Variants in TRPC6 observed in about 807,000 individuals in gnomAD.
TRPC6 encodes the protein transient receptor potential cation channel subfamily C member 6.
TRPC6 carries 55 observed loss-of-function variants against 90.7 expected under a neutral mutation model. That is an observed-to-expected ratio of 0.61 (90% CI 0.49 to 0.76). The LOEUF (loss-of-function observed/expected upper bound fraction) is 0.76. TRPC6 is among the 30% of genes least tolerant of loss of function. The probability of loss-of-function intolerance (pLI) is 0.00; values close to 1 mark genes in which losing one functional copy is unlikely to be tolerated. For synonymous variants in TRPC6, 393 were observed against 393.0 expected (o/e 1.00, Z 0.00); for missense variants, 989 against 1,122.7 (o/e 0.88, Z 1.70).
At chr11:101,513,855 G>A (rs1860453542) in intron 1 of TRPC6, among the ~76,000 whole-genome samples, 1 of 152,154 alleles carries the variant, frequency 6.6e-6, no homozygotes, top group Non-Finnish European at 1.5e-5. Context: ...AATGTGAAGA[G>A]CACAAGCTGA....
At chr11:101,515,256 C>T (rs1411243263) in intron 1 of TRPC6, among the ~76,000 whole-genome samples, 1 of 152,196 alleles carries the variant, frequency 6.6e-6, no homozygotes, top group Non-Finnish European at 1.5e-5. Flanking sequence ...TACATCTGCA[C>T]CATGTGTCCA....
chr11:101,472,173 T>G lies in TRPC6; in HGVS notation c.2169A>C (p.Leu723Phe). 6.2e-7 allele frequency: 1 copy of G among 1,611,990 alleles called. No individual in the cohort carries two copies. Among genetic ancestry groups the G allele is most frequent in the Non-Finnish European group, 8.5e-7 (1 of 1,179,350 alleles). The change falls in exon 8 of 13, where the codon TTA becomes TTC. Residue 723 changes from leucine (L) to phenylalanine (F), a missense_variant. Physicochemically the swap from Leu to Phe is conservative, Grantham distance 22 (BLOSUM62 0). Around this residue, in one of 4 missense-constraint regions of TRPC6, gnomAD observed 118 missense variants for 197.6 expected, o/e 0.60. Coordinates refer to ENST00000344327, the MANE Select transcript of TRPC6 (RefSeq NM_004621.6). ...VTMVIVLLNM[L>F]IAMINSSFQE... Reference sequence around the variant, plus strand: ...GGAATGAACTGTTGATCATGGCAATTAACATATTTAGCAAAACAATGACCA... The same window carrying G: ...GGAATGAACTGTTGATCATGGCAATGAACATATTTAGCAAAACAATGACCA...
At chr11:101,533,536 C>A (rs977541840) in intron 1 of TRPC6, among the ~76,000 whole-genome samples, 1 of 152,216 alleles carries the variant, frequency 6.6e-6, no homozygotes, top group East Asian at 1.9e-4. Flanking sequence ...CAATTCAACA[C>A]GAGCTTTGGG....
intron 1 of TRPC6, among the ~76,000 whole-genome samples, chr11:101,581,810 T>A (rs560626186): frequency 6.6e-6 from 1 of 152,346 alleles, no homozygotes; most frequent in African/African-American, 2.4e-5. Flanking sequence ...CTGAGGGATG[T>A]CAGAAATGGA....
intron 1 of TRPC6, among the ~76,000 whole-genome samples, chr11:101,564,379 G>A (rs1335861583): frequency 6.6e-6 from 1 of 152,054 alleles, no homozygotes; most frequent in Non-Finnish European, 1.5e-5. Context: ...TGGAATTTTT[G>A]AGCTTTACTA....
chr11:101,531,106 A>G (rs1184128604), intron 1 of TRPC6, among the ~76,000 whole-genome samples: 1 of 152,186 alleles, frequency 6.6e-6, no homozygotes, highest in East Asian at 1.9e-4. Context: ...ATACACACAC[A>G]CCGGTAACAA....
chr11:101,557,620 A>G (rs531772942), intron 1 of TRPC6, among the ~76,000 whole-genome samples: 2 of 141,772 alleles, frequency 1.4e-5, no homozygotes, highest in South Asian at 4.3e-4. Flanking sequence ...TACTAATTCC[A>G]CACACACACA....
intron 1 of TRPC6, among the ~76,000 whole-genome samples, chr11:101,510,407 A>T (rs1012918828): frequency 1.3e-5 from 2 of 152,200 alleles, no homozygotes; most frequent in Non-Finnish European, 2.9e-5. Flanking sequence ...CCATAGCTCC[A>T]TAGCACTACT....
intron 1 of TRPC6, among the ~76,000 whole-genome samples, chr11:101,559,485 A>C (rs142427774): frequency 2.0e-5 from 3 of 152,184 alleles, no homozygotes; most frequent in Non-Finnish European, 2.9e-5. Context: ...AATGATCATG[A>C]CATATCATGA....
In TRPC6 at chr11:101,489,064, G is replaced by C; in HGVS notation, c.1166C>G (p.Ser389Cys). 6.2e-7 allele frequency: 1 copy of C among 1,614,144 alleles called. No individual in the cohort carries two copies. Among genetic ancestry groups the C allele is most frequent in the Non-Finnish European group, 8.5e-7 (1 of 1,179,998 alleles). Reference sequence around the variant, plus strand: ...ACCAGAAAGATTCTCATACCAAATGGAGAGAAGTTGCTGTTGGCAGTTTGG... The same window carrying C: ...ACCAGAAAGATTCTCATACCAAATGCAGAGAAGTTGCTGTTGGCAGTTTGG... ...AHPNCQQQLL[S>C]IWYENLSGLR... Residue 389 changes from serine to cysteine, a missense_variant, in exon 4 of 13, where the codon TCC (serine) becomes TGC (cysteine). By Grantham distance (112) the Ser-to-Cys change is moderately radical. Transcript: ENST00000344327.
intron 1 of TRPC6, 30 bp downstream of exon 1, chr11:101,583,304 C>G (rs201459862): frequency 7.4e-4 from 1,155 of 1,555,384 alleles, no homozygotes; most frequent in Non-Finnish European, 8.8e-4. Context: ...GCAGCCCGCG[C>G]CCGATCCGCC....
chr11:101,583,611 G>A lies in TRPC6; in HGVS notation c.-108C>T. The A allele has an allele frequency of 7.9e-7, 1 of 1,264,546 alleles. No homozygotes were observed. Among genetic ancestry groups the A allele is most frequent in the Non-Finnish European group, 1.0e-6 (1 of 967,906 alleles). 78.3% of individuals were successfully genotyped at this position (1,264,546 alleles called of 1,614,324 possible). ...CGCGTCAGCGGCCGAACTGGACCTG[G>A]GCAGACCGGTGCCCAGGGGACGACG... On this transcript the variant is annotated 5_prime_UTR_variant, in exon 1 of 13. Coordinates refer to ENST00000344327, the MANE Select transcript of TRPC6 (RefSeq NM_004621.6).
intron 1 of TRPC6, among the ~76,000 whole-genome samples, chr11:101,549,628 T>C (rs1331201668): frequency 2.0e-5 from 3 of 150,060 alleles, no homozygotes; most frequent in Non-Finnish European, 4.5e-5. Flanking sequence ...ATGTTTAAAA[T>C]TGAGAGAAAA....
In TRPC6 at chr11:101,583,918, G is replaced by A. The variant is rs1485624821; in HGVS notation, c.-415C>T. 3.0e-5 allele frequency: 5 copies of A among 167,976 alleles called. No individual in the cohort carries two copies. Among genetic ancestry groups the A allele is most frequent in the South Asian group, 2.0e-4 (1 of 4,992 alleles). 10.4% of individuals were successfully genotyped at this position (167,976 alleles called of 1,614,324 possible). Reference sequence around the variant, plus strand: ...CCCGCCTTCATCCCCCGCACTCTCCGTCAAGATCCCCACCTTTAAAGGGAT... The same window carrying A: ...CCCGCCTTCATCCCCCGCACTCTCCATCAAGATCCCCACCTTTAAAGGGAT... On this transcript the variant is annotated 5_prime_UTR_variant, in exon 1 of 13. In the 5' UTR this introduces an upstream ATG that the reference lacks. Transcript: ENST00000344327.
Position 101,456,528 on chromosome 11 carries a change from C to T in TRPC6, c.2485-1427G>A, listed in dbSNP as rs533835768. 8.5e-5 allele frequency among the ~76,000 whole-genome samples: 13 copies of T among 152,308 alleles called. No homozygotes were observed. In the South Asian group the frequency reaches 2.7e-3, roughly 32 times the overall value. ...ATCATGTCTCTGATTTATTTACCAT[C>T]TATTCATTAACTCACCATTGACATT... is the stretch of plus-strand genomic sequence containing the variant. On this transcript the variant is annotated intron_variant, in intron 10 of 12. Coordinates refer to ENST00000344327, the MANE Select transcript of TRPC6 (RefSeq NM_004621.6).
chr11:101,580,063 C>T (rs530460723), intron 1 of TRPC6, among the ~76,000 whole-genome samples: 2 of 152,154 alleles, frequency 1.3e-5, no homozygotes, highest in East Asian at 1.9e-4. Context: ...GTGTCTGTAA[C>T]CATAAATTTT....
chr11:101,454,894 A>G, intron 11 of TRPC6, 124 bp downstream of exon 11: 1 of 690,244 alleles, frequency 1.4e-6, no homozygotes, highest in Non-Finnish European at 2.4e-6. Flanking sequence ...ATTAATAAAT[A>G]TTTATTGAAT....
At chr11:101,484,868 T>A (rs1329443309) in intron 4 of TRPC6, among the ~76,000 whole-genome samples, 1 of 152,138 alleles carries the variant, frequency 6.6e-6, no homozygotes. Context: ...GACATATATT[T>A]GTACATATTT....
chr11:101,453,830 A>C, intron 11 of TRPC6, 105 bp from the exon 12 acceptor site: 1 of 1,034,600 alleles, frequency 9.7e-7, no homozygotes, highest in Admixed American at 1.9e-5. Context: ...AGCCCTTTGG[A>C]AGTGATGGCT....
Sources: gnomAD v4.1 joint callset for allele counts (sites outside exome capture counted in the v4.1 genomes callset) on GRCh38, gnomAD v4.1.1 for gene constraint, gnomAD v4.1.1 regional missense constraint, MANE v1.5 for transcripts, NCBI Gene and HGNC (gene_info 2026-07-23, HGNC 2026-07-21) for gene names.